The following MAML1 variants were observed in gnomAD, a reference collection of about 807,000 sequenced individuals.
The protein encoded by MAML1 is mastermind-like protein 1.
Under a neutral mutation model 77.1 loss-of-function variants are expected in MAML1, and 14 were observed. That is an observed-to-expected ratio of 0.18 (90% CI 0.12 to 0.28). MAML1 has a LOEUF of 0.28. MAML1 is among the 10% of genes least tolerant of loss of function. The pLI is 1.00. For synonymous variants in MAML1, 516 were observed against 551.9 expected (o/e 0.93, Z 0.91); for missense variants, 1,217 against 1,327.8 (o/e 0.92, Z 1.30).
chr5:179,774,331 G>C lies in MAML1; in HGVS notation c.2505G>C (p.Gln835His), dbSNP rs202185845. 239 of 1,613,446 alleles carry C rather than the reference G, an allele frequency of 1.5e-4. 1 individual carries two copies. Among genetic ancestry groups the C allele is most frequent in the Admixed American group, 5.0e-4 (30 of 60,030 alleles). The part of the protein sequence containing the change: ...VPRVSPAMGG[Q>H]NSSWQHQGMP... ...GGGTGTCACCAGCCATGGGAGGCCA[G>C]AATTCCTCCTGGCAGCATCAGGGAA... is the stretch of plus-strand genomic sequence containing the variant. Residue 835 changes from glutamine to histidine, a missense_variant, in exon 5 of 5, where the codon CAG (glutamine) becomes CAC (histidine). Gln to His is a conservative substitution (Grantham distance 24). Around this residue, in one of 3 missense-constraint regions of MAML1, gnomAD observed 884 missense variants for 949.3 expected, o/e 0.93. Coordinates refer to ENST00000292599, the MANE Select transcript of MAML1 (RefSeq NM_014757.5).
chr5:179,751,718 A>T lies in MAML1; in HGVS notation c.316-13608A>T, dbSNP rs185527596. Among the ~76,000 whole-genome samples, 767 of 152,030 alleles carry T rather than the reference A, an allele frequency of 5.0e-3. 3 individuals are homozygous for T. The highest frequency in any genetic ancestry group is 0.01 in the Middle Eastern group (3 of 294). On this transcript the variant is annotated intron_variant, in intron 1 of 4. Coordinates refer to ENST00000292599, the MANE Select transcript of MAML1 (RefSeq NM_014757.5). ...AGACTCCATCTCAAAAAAAGAAAAA[A>T]ATACCGATTATGGCCAGGCACAGTA... is the stretch of plus-strand genomic sequence containing the variant.
At chr5:179,772,024 C>G (rs1446033159) in intron 4 of MAML1, among the ~76,000 whole-genome samples, 1 of 152,140 alleles carries the variant, frequency 6.6e-6, no homozygotes, top group Non-Finnish European at 1.5e-5. Flanking sequence ...ATGGGTCTGA[C>G]CCATGTTTTC....
chr5:179,765,488 C>G lies in MAML1; in HGVS notation c.478C>G (p.Pro160Ala), dbSNP rs764356260. Residue 160 changes from proline to alanine, a missense_variant, in exon 2 of 5, where the codon CCC (proline) becomes GCC (alanine). Physicochemically the swap from Pro to Ala is conservative, Grantham distance 27 (BLOSUM62 -1). Transcript: ENST00000292599. ...ISSNGLPPAS[P>A]LGQSDKPSGA... ...TTCCAATGGACTGCCTCCAGCCTCC[C>G]CCCTCGGTCAGTCTGACAAGCCTTC... 5.0e-6 allele frequency: 8 copies of G among 1,614,034 alleles called. No homozygotes were observed. Among genetic ancestry groups the G allele is most frequent in the Admixed American group, 3.3e-5 (2 of 59,982 alleles).
intron 4 of MAML1, among the ~76,000 whole-genome samples, chr5:179,772,834 C>G (rs1756033060): frequency 1.3e-5 from 2 of 152,170 alleles, no homozygotes; most frequent in Non-Finnish European, 2.9e-5. Flanking sequence ...ACAGCCTCTC[C>G]CCAGCATGGT....
Position 179,773,983 on chromosome 5 carries a change from G to C in MAML1, c.2157G>C (p.Met719Ile). 6.2e-7 allele frequency: 1 copy of C among 1,614,220 alleles called. No individual in the cohort carries two copies. The highest frequency in any genetic ancestry group is 8.5e-7 in the Non-Finnish European group (1 of 1,180,056). ...TGTTCCCTCAGGCTGGGAATCTGAT[G>C]CCAATGGGCCCTGGACATGCTTCAG... is the stretch of plus-strand genomic sequence containing the variant. ...PRVFPQAGNL[M>I]PMGPGHASVS... is the part of the protein sequence containing the mutation. Residue 719 changes from methionine (M) to isoleucine (I), a missense_variant, in exon 5 of 5, where the codon ATG (methionine) becomes ATC (isoleucine). Met to Ile is a conservative substitution (Grantham distance 10). This residue lies in a region of MAML1 where 884 missense variants were observed against 949.3 expected (regional missense o/e 0.93). Transcript: ENST00000292599.
rs1756118163 is a variant in MAML1, at chr5:179,775,507, T to A, written c.*630T>A. The A allele has an allele frequency of 1.0e-6, 1 of 985,212 alleles. No homozygotes were observed. The highest frequency in any genetic ancestry group is 1.2e-6 in the Non-Finnish European group (1 of 829,924). The allele number at this position is 985,212 out of a possible 1,614,324, so 61.0% of individuals were successfully genotyped here. On this transcript the variant is annotated 3_prime_UTR_variant, in exon 5 of 5. Transcript: ENST00000292599. ...GAAAATTATTTCCCTAAGTGCAGGC[T>A]GTTGACTGCGTATGCCAAAAAGGGA... is the stretch of plus-strand genomic sequence containing the variant.
chr5:179,772,272 C>T (rs1357823524), intron 4 of MAML1, among the ~76,000 whole-genome samples: 1 of 152,170 alleles, frequency 6.6e-6, no homozygotes, highest in African/African-American at 2.4e-5. Context: ...GCGCCTGCCA[C>T]CACGCCCGGC....
intron 1 of MAML1, among the ~76,000 whole-genome samples, chr5:179,742,062 G>A (rs1396635885): frequency 2.0e-5 from 3 of 151,510 alleles, no homozygotes; most frequent in East Asian, 2.0e-4. Flanking sequence ...TAGTAGAGAC[G>A]GGGTTTCACC....
chr5:179,765,883 C>T lies in MAML1; in HGVS notation c.873C>T (p.Pro291=), dbSNP rs745723439. The change falls in exon 2 of 5, where the codon CCC becomes CCT. Residue 291 remains proline, a synonymous_variant. Transcript: ENST00000292599. ...CTTCTGGCTCTGCCACACAAACCCC[C>T]TTGGCACAGGACATTAATATTAAGA... ...PESSGSATQT[P]LAQDINIKTE... 6.2e-7 allele frequency: 1 copy of T among 1,614,146 alleles called. No homozygotes were observed. Among genetic ancestry groups the T allele is most frequent in the Admixed American group, 1.7e-5 (1 of 60,024 alleles).
At chr5:179,740,140 G>A (rs1779253047) in intron 1 of MAML1, among the ~76,000 whole-genome samples, 2 of 152,186 alleles carry the variant, frequency 1.3e-5, no homozygotes, top group South Asian at 4.1e-4. Context: ...AGAACCACCA[G>A]TACCAAGTGT....
intron 4 of MAML1, 140 bp from the exon 5 acceptor site, chr5:179,773,755 G>A: frequency 6.7e-7 from 1 of 1,494,402 alleles, no homozygotes; most frequent in Non-Finnish European, 8.8e-7. Context: ...TTCCACCTGT[G>A]GAAGGCTTTC....
intron 1 of MAML1, among the ~76,000 whole-genome samples, chr5:179,750,914 C>T (rs1289194524): frequency 1.3e-5 from 2 of 152,196 alleles, no homozygotes; most frequent in Non-Finnish European, 2.9e-5. Context: ...TGCTGCTGGG[C>T]CCAGGCGGCA....
chr5:179,776,142 C>T lies in MAML1; in HGVS notation c.*1265C>T, dbSNP rs1222559140. The T allele has an allele frequency of 1.1e-5, 11 of 985,726 alleles. No individual in the cohort carries two copies. The highest frequency in any genetic ancestry group is 3.5e-5 in the African/African-American group (2 of 57,218). The allele number at this position is 985,726 out of a possible 1,614,324, so 61.1% of individuals were successfully genotyped here. The stretch of plus-strand genomic sequence containing the variant: ...AACGAAGATGGAGAGAGCACTTCCC[C>T]GTAACGAAAGCAAAGTGGTAAGCAC... On this transcript the variant is annotated 3_prime_UTR_variant, in exon 5 of 5. Transcript: ENST00000292599.
chr5:179,753,242 C>G (rs997644432), intron 1 of MAML1, among the ~76,000 whole-genome samples: 18 of 150,870 alleles, frequency 1.2e-4, no homozygotes, highest in African/African-American at 4.4e-4. Flanking sequence ...CGCGCGCGTG[C>G]TGGGGTGAAG....
In MAML1 at chr5:179,771,210, G is replaced by C. The variant is rs1024794261; in HGVS notation, c.2035G>C (p.Gly679Arg). Residue 679 changes from glycine (G) to arginine (R), a missense_variant, in exon 4 of 5, where the codon GGC (glycine) becomes CGC (arginine). Physicochemically the swap from Gly to Arg is moderately radical, Grantham distance 125. Transcript: ENST00000292599. This position sits in a 1 kb window ranked among gnomAD's most constrained non-coding sequence, Gnocchi z 4.7. ...ACCCCAGTACCAAGACCCGACACAAGGCAGCTTCCCACAGCAGGTTGGACA... is the reference window on the plus strand; with the variant it reads ...ACCCCAGTACCAAGACCCGACACAACGCAGCTTCCCACAGCAGGTTGGACA... ...PPPQYQDPTQ[G>R]SFPQQVGQFT... 2.5e-6 allele frequency: 4 copies of C among 1,614,026 alleles called. No individual in the cohort carries two copies. In the African/African-American group the frequency reaches 5.3e-5, roughly 22 times the overall value.
intron 1 of MAML1, among the ~76,000 whole-genome samples, chr5:179,734,262 T>C (rs944779912): frequency 6.6e-6 from 1 of 152,234 alleles, no homozygotes; most frequent in African/African-American, 2.4e-5. Flanking sequence ...ATTTTTAAAT[T>C]CATACCTTTA....
At chr5:179,739,537 A>G (rs1473533459) in intron 1 of MAML1, among the ~76,000 whole-genome samples, 5 of 152,322 alleles carry the variant, frequency 3.3e-5, no homozygotes, top group East Asian at 1.9e-4. Flanking sequence ...TGTCATCTCT[A>G]TAAAAGCATG....
intron 4 of MAML1, among the ~76,000 whole-genome samples, chr5:179,772,959 C>G (rs768182286): frequency 6.6e-6 from 1 of 152,156 alleles, no homozygotes; most frequent in Admixed American, 6.5e-5. Context: ...GGCATGATCT[C>G]GGCTCACTGC....
At chr5:179,742,576 G>C (rs1316156025) in intron 1 of MAML1, among the ~76,000 whole-genome samples, 3 of 152,024 alleles carry the variant, frequency 2.0e-5, no homozygotes, top group Non-Finnish European at 2.9e-5. Flanking sequence ...GCTGAGGTGG[G>C]TGGATCATTT....
Sources: allele counts gnomAD v4.1 joint callset (sites outside exome capture counted in the v4.1 genomes callset), GRCh38; gene constraint gnomAD v4.1.1; regional missense constraint gnomAD v4.1.1; non-coding constraint Gnocchi (gnomAD v3.1); transcripts MANE v1.5; gene names NCBI Gene and HGNC (gene_info 2026-07-23, HGNC 2026-07-21).